Variants in MIPEP observed in about 807,000 individuals in gnomAD.
The protein encoded by MIPEP is mitochondrial intermediate peptidase.
A neutral mutation model predicts 90.3 loss-of-function variants in MIPEP; 79 were observed. The ratio of observed to expected loss-of-function variants is 0.87; its 90% CI spans 0.73 to 1.05. MIPEP has a LOEUF of 1.05. Among genes scored for constraint, MIPEP ranks in the 50% least tolerant of loss-of-function variants. MIPEP has a pLI of 0.00. For missense variants in MIPEP, 940 were observed against 905.6 expected, an observed-to-expected ratio of 1.04 and a Z score of -0.49; for synonymous variants, 334 against 315.8, an observed-to-expected ratio of 1.06 and a Z score of -0.61.
chr13:23,842,969 G>A (rs1210333110), intron 10 of MIPEP, among the ~76,000 whole-genome samples: 1 of 151,798 alleles, frequency 6.6e-6, no homozygotes, highest in African/African-American at 2.4e-5. Context: ...GTGGTGGCGG[G>A]TGCCTGTAAT....
Position 23,879,263 on chromosome 13 carries a change from A to T in MIPEP, c.539+5T>A. On this transcript the variant is annotated splice_donor_5th_base_variant and intron_variant, in intron 4 of 18. Coordinates refer to ENST00000382172, the MANE Select transcript of MIPEP (RefSeq NM_005932.4). ...CACAATCAAGGCAAAGAAATGAGTG[A>T]GTACCTTGTTTCTGGATCAAGGGAA... 6.3e-7 allele frequency: 1 copy of T among 1,575,956 alleles called. No individual in the cohort carries two copies. Among genetic ancestry groups the T allele is most frequent in the Non-Finnish European group, 8.7e-7 (1 of 1,147,244 alleles).
intron 7 of MIPEP, among the ~76,000 whole-genome samples, chr13:23,865,115 T>C (rs1426013559): frequency 1.3e-5 from 2 of 152,106 alleles, no homozygotes; most frequent in Non-Finnish European, 2.9e-5. Flanking sequence ...TACAAACCCA[T>C]AAAGGCAGTG....
At position 23,889,373 on chromosome 13, in the gene MIPEP, T is replaced by C; in HGVS notation, c.-53A>G. 1 of 1,237,852 alleles carries C rather than the reference T, an allele frequency of 8.1e-7. No individual in the cohort carries two copies. Among genetic ancestry groups the C allele is most frequent in the Non-Finnish European group, 1.0e-6 (1 of 987,874 alleles). 76.7% of individuals were successfully genotyped at this position (1,237,852 alleles called of 1,614,324 possible). A position where few individuals can be genotyped will look rare whatever the true frequency, so the allele number is the denominator to read the frequency against. On this transcript the variant is annotated 5_prime_UTR_variant, in exon 1 of 19. Transcript: ENST00000382172. ...AACGCAGATCCCTGCCCTGCTGCTT[T>C]CGCTGGGAGCGCGCGCTCCGCGTTT...
intron 9 of MIPEP, among the ~76,000 whole-genome samples, chr13:23,861,108 T>C (rs1234990607): frequency 6.6e-6 from 1 of 152,142 alleles, no homozygotes; most frequent in Non-Finnish European, 1.5e-5. Flanking sequence ...TGAGAACCAC[T>C]GGTCTGGATT....
At chr13:23,879,517 C>T (rs1871199117) in intron 3 of MIPEP, among the ~76,000 whole-genome samples, 163 bp from the exon 4 acceptor site, 1 of 151,756 alleles carries the variant, frequency 6.6e-6, no homozygotes, top group South Asian at 2.1e-4. Flanking sequence ...TCTTTCCTTC[C>T]CTTCTTTCTT....
At chr13:23,737,225 G>A (rs142997831) in intron 18 of MIPEP, among the ~76,000 whole-genome samples, 9 of 152,214 alleles carry the variant, frequency 5.9e-5, no homozygotes, top group South Asian at 2.1e-4. Flanking sequence ...TCACAGGGCC[G>A]TAGTCTGGTA....
intron 16 of MIPEP, among the ~76,000 whole-genome samples, chr13:23,790,087 G>A (rs1037654129): frequency 3.9e-5 from 6 of 152,074 alleles, no homozygotes; most frequent in African/African-American, 9.7e-5. Context: ...TTCATGACAC[G>A]GCTGGTTTCT....
At chr13:23,742,121 G>T (rs1033470143) in intron 18 of MIPEP, among the ~76,000 whole-genome samples, 1 of 152,150 alleles carries the variant, frequency 6.6e-6, no homozygotes, top group African/African-American at 2.4e-5. Flanking sequence ...TGTGAATTTG[G>T]GGCTGAATGG....
intron 17 of MIPEP, among the ~76,000 whole-genome samples, chr13:23,758,842 C>A (rs1381245624): frequency 6.6e-6 from 1 of 152,122 alleles, no homozygotes; most frequent in Non-Finnish European, 1.5e-5. Flanking sequence ...GGAGAAAAAA[C>A]CAGGAATGAG....
rs180674755 is a variant in MIPEP at position 23,739,231 on chromosome 13, C to A, written c.2045-8786G>T. On this transcript the variant is annotated intron_variant, in intron 18 of 18. Transcript: ENST00000382172. Reference sequence around the variant, plus strand: ...TTTGGCATGGATATGGCCTACAGATCTGTAGTGGGGACGGAGAAAGGGACG... The same window carrying A: ...TTTGGCATGGATATGGCCTACAGATATGTAGTGGGGACGGAGAAAGGGACG... 2.0e-3 allele frequency among the ~76,000 whole-genome samples: 298 copies of A among 152,280 alleles called. 4 individuals carry two copies. Among genetic ancestry groups the A allele is most frequent in the African/African-American group, 6.9e-3 (288 of 41,550 alleles).
Position 23,809,920 on chromosome 13 carries a change from A to AGTGGC in MIPEP, c.1654-1_1657dup (p.Leu553ArgfsTer42). 1.2e-6 allele frequency: 2 copies of AGTGGC among 1,612,548 alleles called. No individual in the cohort carries two copies. The highest frequency in any genetic ancestry group is 1.7e-6 in the Non-Finnish European group (2 of 1,178,758). On this transcript the variant is annotated frameshift_variant, in exon 15 of 19. Coordinates refer to ENST00000382172, the MANE Select transcript of MIPEP (RefSeq NM_005932.4). LOFTEE classifies it high-confidence loss of function. ...AAGACGAGACACCATATTTTTTGGCAGTGGCTTGATAAAACAAAAGAATAT... is the reference window on the plus strand; with the variant it reads ...AAGACGAGACACCATATTTTTTGGCAGTGGCGTGGCTTGATAAAACAAAAGAATAT...
intron 14 of MIPEP, among the ~76,000 whole-genome samples, chr13:23,831,719 T>C (rs1868776296): frequency 6.6e-6 from 1 of 152,138 alleles, no homozygotes; most frequent in African/African-American, 2.4e-5. Flanking sequence ...GAGAGAGCTA[T>C]TACTCCATCT....
chr13:23,780,112 C>A lies in MIPEP; in HGVS notation c.1849-19895G>T, dbSNP rs184533362. Among the ~76,000 whole-genome samples, 461 of 152,348 alleles carry A rather than the reference C, an allele frequency of 3.0e-3. 3 individuals are homozygous for A. The highest frequency in any genetic ancestry group is 9.9e-3 in the African/African-American group (410 of 41,560). On this transcript the variant is annotated intron_variant, in intron 16 of 18. Transcript: ENST00000382172. The stretch of plus-strand genomic sequence containing the variant: ...GACAGCTTTGAAGAGAGTAGTGGTT[C>A]TCCCAGCATGGAGTTTGAGATCTGA...
Position 23,760,165 on chromosome 13 carries a change from G to A in MIPEP, c.1901C>T (p.Ser634Phe), listed in dbSNP as rs1362903072. 1 of 1,614,164 alleles carries A rather than the reference G, an allele frequency of 6.2e-7. No homozygotes were observed. Among genetic ancestry groups the A allele is most frequent in the Non-Finnish European group, 8.5e-7 (1 of 1,180,022 alleles). The change falls in exon 17 of 19, where the codon TCT becomes TTT. Residue 634 changes from serine (S) to phenylalanine (F), a missense_variant. Ser to Phe is a radical substitution (Grantham distance 155). Coordinates refer to ENST00000382172, the MANE Select transcript of MIPEP (RefSeq NM_005932.4). Reference protein sequence around the residue: ...HLVGYGARYYSYLMSRAVASM... With the variant: ...HLVGYGARYYFYLMSRAVASM... ...GGCGACCGCTCTGGACATGAGGTAAGAGTAATATCTAGCACCATACCCCAC... is the reference window on the plus strand; with the variant it reads ...GGCGACCGCTCTGGACATGAGGTAAAAGTAATATCTAGCACCATACCCCAC...
chr13:23,843,467 A>G (rs1869399317), intron 10 of MIPEP, among the ~76,000 whole-genome samples: 1 of 152,242 alleles, frequency 6.6e-6, no homozygotes, highest in South Asian at 2.1e-4. Context: ...TACACTCATA[A>G]AGTATATGCA....
At chr13:23,741,966 G>A (rs929942930) in intron 18 of MIPEP, among the ~76,000 whole-genome samples, 3 of 152,140 alleles carry the variant, frequency 2.0e-5, no homozygotes, top group Non-Finnish European at 4.4e-5. Context: ...GAACAGTCTG[G>A]TGGACCAAAA....
intron 7 of MIPEP, among the ~76,000 whole-genome samples, chr13:23,866,362 T>A (rs1249764911): frequency 6.6e-6 from 1 of 152,180 alleles, no homozygotes; most frequent in Non-Finnish European, 1.5e-5. Flanking sequence ...TCTTACGTGA[T>A]GATGTGCACA....
At position 23,786,728 on chromosome 13, in the gene MIPEP, T is replaced by C. The variant is rs186158319; in HGVS notation, c.1848+19222A>G. ...AAGTTAGCATTTGTGGAGCATCAGA[T>C]TGGCAAAAATTAAAATCAGCAGTGA... On this transcript the variant is annotated intron_variant, in intron 16 of 18. Coordinates refer to ENST00000382172, the MANE Select transcript of MIPEP (RefSeq NM_005932.4). Among the ~76,000 whole-genome samples the C allele has an allele frequency of 1.8e-3, 267 of 152,242 alleles. 1 individual carries two copies. Among genetic ancestry groups the C allele is most frequent in the Middle Eastern group, 6.8e-3 (2 of 294 alleles).
chr13:23,761,684 C>T (rs1424559551), intron 16 of MIPEP, among the ~76,000 whole-genome samples: 3 of 152,202 alleles, frequency 2.0e-5, no homozygotes, highest in Admixed American at 1.3e-4. Context: ...TCTGCTGTAA[C>T]GTCACCCCAG....
Sources: gnomAD v4.1 joint callset for allele counts (sites outside exome capture counted in the v4.1 genomes callset) on GRCh38, gnomAD v4.1.1 for gene constraint, MANE v1.5 for transcripts, NCBI Gene and HGNC (gene_info 2026-07-23, HGNC 2026-07-21) for gene names.